SLC39A11: variants seen among roughly 807,000 people sequenced by gnomAD.
The protein encoded by SLC39A11 is solute carrier family 39 member 11.
A neutral mutation model predicts 36.1 loss-of-function variants in SLC39A11; 33 were observed. That is an observed-to-expected ratio of 0.91 (90% CI 0.69 to 1.22). The LOEUF is 1.22. SLC39A11 is among the 50% of genes most tolerant of loss of function. The pLI, the probability that SLC39A11 is intolerant of heterozygous loss-of-function variation, is 0.00. For missense variants in SLC39A11, 432 were observed against 430.3 expected (o/e 1.00, Z -0.03); for synonymous variants, 166 against 170.3 (o/e 0.97, Z 0.20).
intron 3 of SLC39A11, among the ~76,000 whole-genome samples, chr17:73,033,615 C>T (rs1222266982): frequency 6.6e-6 from 1 of 152,184 alleles, no homozygotes; most frequent in Non-Finnish European, 1.5e-5. Flanking sequence ...CCAAACTAAA[C>T]ACTCATCCAT....
intron 4 of SLC39A11, among the ~76,000 whole-genome samples, chr17:73,019,953 G>A (rs886855808): frequency 1.3e-5 from 2 of 152,176 alleles, no homozygotes; most frequent in Admixed American, 6.5e-5. Context: ...AACTGGGGTA[G>A]AAGTAACTAT....
At chr17:72,948,374 C>T (rs1463170115) in intron 4 of SLC39A11, among the ~76,000 whole-genome samples, 2 of 152,086 alleles carry the variant, frequency 1.3e-5, no homozygotes, top group East Asian at 1.9e-4. Flanking sequence ...CAAGCGTCAT[C>T]GCCGCACGCA....
At chr17:72,840,427 G>A (rs2078751409) in intron 6 of SLC39A11, among the ~76,000 whole-genome samples, 1 of 152,216 alleles carries the variant, frequency 6.6e-6, no homozygotes, top group Non-Finnish European at 1.5e-5. Context: ...ACCCACATGA[G>A]TCAATGTCCT....
chr17:72,868,646 AAAAG>A (rs1353822019), intron 5 of SLC39A11, among the ~76,000 whole-genome samples: 7 of 148,678 alleles, frequency 4.7e-5, no homozygotes, highest in African/African-American at 5.0e-5. Context: ...AAAAAAAAAA[AAAAG>A]AAAGAAAAAA....
chr17:72,883,085 C>A (rs778484228), intron 5 of SLC39A11, among the ~76,000 whole-genome samples: 1 of 152,108 alleles, frequency 6.6e-6, no homozygotes, highest in Non-Finnish European at 1.5e-5. Context: ...GCTGAGCCAC[C>A]GTGCCAGGCC....
At chr17:72,822,325 TAGAGAG>T (rs747098688) in intron 6 of SLC39A11, among the ~76,000 whole-genome samples, 1 of 144,092 alleles carries the variant, frequency 6.9e-6, no homozygotes, top group Non-Finnish European at 1.5e-5. Flanking sequence ...AATATATATA[TAGAGAG>T]AGAGAGAGAA....
intron 7 of SLC39A11, among the ~76,000 whole-genome samples, chr17:72,726,323 T>A (rs1483354757): frequency 6.6e-6 from 1 of 152,180 alleles, no homozygotes; most frequent in Middle Eastern, 3.2e-3. Flanking sequence ...CAATGAAGTC[T>A]CCTTTGTAAC....
chr17:72,717,292 G>A (rs2073448134), intron 7 of SLC39A11, among the ~76,000 whole-genome samples: 1 of 152,110 alleles, frequency 6.6e-6, no homozygotes, highest in East Asian at 1.9e-4. Context: ...GACGCCGATG[G>A]AGGTAGGGAG....
intron 7 of SLC39A11, among the ~76,000 whole-genome samples, chr17:72,701,437 A>G (rs1004713444): frequency 6.6e-6 from 1 of 152,154 alleles, no homozygotes; most frequent in African/African-American, 2.4e-5. Flanking sequence ...AGTTTAAAGA[A>G]CAGAGACCTG....
chr17:72,859,404 T>C (rs1014722076), intron 5 of SLC39A11, among the ~76,000 whole-genome samples: 4 of 152,032 alleles, frequency 2.6e-5, no homozygotes, highest in Non-Finnish European at 4.4e-5. Context: ...CATTGTTTAT[T>C]TGAAGTTCAA....
chr17:72,656,016 A>T (rs1329495478), intron 7 of SLC39A11, among the ~76,000 whole-genome samples: 1 of 152,228 alleles, frequency 6.6e-6, no homozygotes, highest in East Asian at 1.9e-4. Flanking sequence ...CATTCCTGCA[A>T]GGCCTTCAGT....
chr17:72,999,164 C>T (rs1346678760), intron 4 of SLC39A11, among the ~76,000 whole-genome samples: 1 of 152,120 alleles, frequency 6.6e-6, no homozygotes, highest in Non-Finnish European at 1.5e-5. Flanking sequence ...AAAATACATC[C>T]CGTTAGAAAA....
intron 4 of SLC39A11, among the ~76,000 whole-genome samples, chr17:73,007,959 G>A (rs967433830): frequency 6.6e-5 from 10 of 151,878 alleles, no homozygotes; most frequent in Middle Eastern, 3.2e-3. Context: ...AAAAATTAGC[G>A]GGGTGTGGTG....
chr17:72,867,038 T>C (rs2080337741), intron 5 of SLC39A11, among the ~76,000 whole-genome samples: 1 of 151,910 alleles, frequency 6.6e-6, no homozygotes, highest in Non-Finnish European at 1.5e-5. Context: ...ACAAAAACAA[T>C]AACAATACTA....
chr17:72,841,011 C>T (rs543196771), intron 6 of SLC39A11, among the ~76,000 whole-genome samples: 47 of 152,168 alleles, frequency 3.1e-4, no homozygotes, highest in African/African-American at 9.4e-4. Flanking sequence ...GCTGAGATGG[C>T]GCCACTGCAC....
chr17:72,953,424 C>G (rs1444595540), intron 4 of SLC39A11, among the ~76,000 whole-genome samples: 1 of 152,062 alleles, frequency 6.6e-6, no homozygotes, highest in Non-Finnish European at 1.5e-5. Context: ...CTGCAACTTG[C>G]CTTACATTAA....
At chr17:73,018,391 T>A (rs1219684819) in intron 4 of SLC39A11, among the ~76,000 whole-genome samples, 1 of 151,836 alleles carries the variant, frequency 6.6e-6, no homozygotes, top group African/African-American at 2.4e-5. Flanking sequence ...TCTACTAAAC[T>A]ACAAAAATTA....
intron 5 of SLC39A11, among the ~76,000 whole-genome samples, chr17:72,900,693 G>A (rs1210875917): frequency 6.6e-6 from 1 of 152,176 alleles, no homozygotes; most frequent in Admixed American, 6.5e-5. Context: ...GGAAATAGTG[G>A]TAAGTAACTA....
rs56036208 is a variant in SLC39A11 at position 72,949,144 on chromosome 17, C to CTTTTTTTTTTTTTTTTTTT, written c.307-1288_307-1270dup. Among the ~76,000 whole-genome samples, 82 of 36,508 alleles carry CTTTTTTTTTTTTTTTTTTT rather than the reference C, an allele frequency of 2.2e-3. 31 individuals are homozygous for CTTTTTTTTTTTTTTTTTTT. Among genetic ancestry groups the CTTTTTTTTTTTTTTTTTTT allele is most frequent in the East Asian group, 4.6e-3 (4 of 866 alleles). The allele number at this position is 36,508 out of a possible 152,430, so 24.0% of individuals were successfully genotyped here. On this transcript the variant is annotated intron_variant, in intron 4 of 9. Transcript: ENST00000255559. Reference sequence around the variant, plus strand: ...AAATAAAATACCATACACTGGGCAGCTTTTTTTTTTTTTTTTTTTTTTTTT... The same window carrying CTTTTTTTTTTTTTTTTTTT: ...AAATAAAATACCATACACTGGGCAGCTTTTTTTTTTTTTTTTTTTTTTTTTTTTTTTTTTTTTTTTTTTT...
Sources: gnomAD v4.1 joint callset for allele counts (sites outside exome capture counted in the v4.1 genomes callset) on GRCh38, gnomAD v4.1.1 for gene constraint, MANE v1.5 for transcripts, NCBI Gene and HGNC (gene_info 2026-07-23, HGNC 2026-07-21) for gene names.